The following TBC1D12 variants were observed in gnomAD, a reference collection of about 807,000 sequenced individuals.
The protein encoded by TBC1D12 is TBC1 domain family, member 12.
TBC1D12 carries 56 observed loss-of-function variants against 86.7 expected under a neutral mutation model. The ratio of observed to expected loss-of-function variants is 0.65; its 90% CI spans 0.52 to 0.81. The LOEUF (loss-of-function observed/expected upper bound fraction) is 0.81. Among genes scored for constraint, TBC1D12 ranks in the 30% least tolerant of loss-of-function variants. TBC1D12 has a pLI of 0.00. For missense variants in TBC1D12, 1,023 were observed against 1,038.8 expected, an observed-to-expected ratio of 0.98 and a Z score of 0.21; for synonymous variants, 421 against 411.7, an observed-to-expected ratio of 1.02 and a Z score of -0.27.
intron 1 of TBC1D12, among the ~76,000 whole-genome samples, chr10:94,404,022 G>C (rs1052341137): frequency 6.6e-6 from 1 of 152,174 alleles, no homozygotes; most frequent in African/African-American, 2.4e-5. Context: ...TGTGTGTACG[G>C]GTGTGGTTGT....
At chr10:94,490,621 G>A (rs901929902) in intron 3 of TBC1D12, among the ~76,000 whole-genome samples, 1 of 152,094 alleles carries the variant, frequency 6.6e-6, no homozygotes, top group Non-Finnish European at 1.5e-5. Context: ...GGTGGATGCT[G>A]GACTTTTTTG....
chr10:94,441,968 T>G lies in TBC1D12; in HGVS notation c.1044T>G (p.Gly348=). Residue 348 remains glycine (G), a synonymous_variant, in exon 2 of 13, where the codon GGT becomes GGG. Transcript: ENST00000225235. Reference sequence around the variant, plus strand: ...GTGCTCCTGGTTGGAAATTATTTGGTAAAGTCCCTCCTAGAGAGAATCTTC... The same window carrying G: ...GTGCTCCTGGTTGGAAATTATTTGGGAAAGTCCCTCCTAGAGAGAATCTTC... The part of the protein sequence containing the change: ...VHSAPGWKLF[G]KVPPRENLQK... 6.2e-7 allele frequency: 1 copy of G among 1,613,546 alleles called. No homozygotes were observed. Among genetic ancestry groups the G allele is most frequent in the Non-Finnish European group, 8.5e-7 (1 of 1,179,746 alleles).
In TBC1D12 at chr10:94,522,186, TATC is replaced by T. The variant is rs1842170649; in HGVS notation, c.1890+106_1890+108del. 8.0e-6 allele frequency: 11 copies of T among 1,367,356 alleles called. 1 individual carries two copies. In the Middle Eastern group the frequency reaches 7.8e-4, roughly 97 times the overall value. The allele number at this position is 1,367,356 out of a possible 1,614,324, so 84.7% of individuals were successfully genotyped here. On this transcript the variant is annotated intron_variant, in intron 10 of 12. Transcript: ENST00000225235. The stretch of plus-strand genomic sequence containing the variant: ...AAAACAATCTAATCTAATATAAACT[TATC>T]ATTATATTATAGTTTATTAATGAAT...
intron 5 of TBC1D12, among the ~76,000 whole-genome samples, chr10:94,499,936 C>A (rs1298322918): frequency 6.6e-6 from 1 of 152,066 alleles, no homozygotes. Context: ...TCCCTTTTAT[C>A]CTGTTTTTTA....
chr10:94,414,702 C>T (rs913418355), intron 1 of TBC1D12, among the ~76,000 whole-genome samples: 2 of 151,480 alleles, frequency 1.3e-5, no homozygotes, highest in Non-Finnish European at 2.9e-5. Context: ...CAGGTTCCAG[C>T]GATTCTCCCA....
At chr10:94,416,487 A>G (rs1241429197) in intron 1 of TBC1D12, among the ~76,000 whole-genome samples, 1 of 152,198 alleles carries the variant, frequency 6.6e-6, no homozygotes, top group African/African-American at 2.4e-5. Flanking sequence ...ATTCATTTAC[A>G]TGATTACCCT....
Position 94,441,859 on chromosome 10 carries a change from C to CA in TBC1D12, c.972-31dup, listed in dbSNP as rs906246252. On this transcript the variant is annotated intron_variant, in intron 1 of 12. Transcript: ENST00000225235. The stretch of plus-strand genomic sequence containing the variant: ...TTACTGTTAAATAGCTCTCTGGTTA[C>CA]AAAAAACACAATTCATGTAACTTTT... 24 of 1,594,474 alleles carry CA rather than the reference C, an allele frequency of 1.5e-5. No individual in the cohort carries two copies. The African/African-American group carries it at 1.6e-4, about 11-fold the overall frequency.
rs550507128 is a variant in TBC1D12 at position 94,432,272 on chromosome 10, G to A, written c.972-9624G>A. 6.0e-4 allele frequency among the ~76,000 whole-genome samples: 92 copies of A among 152,136 alleles called. 1 individual carries two copies. The highest frequency in any genetic ancestry group is 1.1e-3 in the Non-Finnish European group (73 of 67,994). Reference sequence around the variant, plus strand: ...TAGATCGCGAGACAAGGGATGGGGCGTCAAAAGATGACACATTTTTGGCCT... The same window carrying A: ...TAGATCGCGAGACAAGGGATGGGGCATCAAAAGATGACACATTTTTGGCCT... On this transcript the variant is annotated intron_variant, in intron 1 of 12. Transcript: ENST00000225235.
At chr10:94,462,780 G>A (rs1564958787) in intron 2 of TBC1D12, among the ~76,000 whole-genome samples, 1 of 151,974 alleles carries the variant, frequency 6.6e-6, no homozygotes, top group Non-Finnish European at 1.5e-5. Flanking sequence ...TCCTGATTTT[G>A]GCAATTTTTA....
At chr10:94,442,075 T>G in intron 2 of TBC1D12, 56 bp downstream of exon 2, 2 of 1,468,784 alleles carry the variant, frequency 1.4e-6, no homozygotes, top group Non-Finnish European at 1.8e-6. Context: ...TTCTTCTTCT[T>G]CTTCTTCTTT....
intron 1 of TBC1D12, among the ~76,000 whole-genome samples, chr10:94,413,499 A>G (rs953729251): frequency 2.0e-5 from 3 of 152,156 alleles, no homozygotes; most frequent in Non-Finnish European, 2.9e-5. Flanking sequence ...CACACTGCAC[A>G]TGGTTTTCTC....
rs1386807824 is a variant in TBC1D12 at position 94,467,452 on chromosome 10, G to A, written c.1096-7216G>A. ...TTCTCCATTTGGTCAGGCTGGTCTC[G>A]AACTTCCGACCTCAGGTGAGCCGCC... On this transcript the variant is annotated intron_variant, in intron 2 of 12. Coordinates refer to ENST00000225235, the MANE Select transcript of TBC1D12 (RefSeq NM_015188.2). Among the ~76,000 whole-genome samples, 6 of 151,954 alleles carry A rather than the reference G, an allele frequency of 3.9e-5. No individual in the cohort carries two copies. In the East Asian group the frequency reaches 1.2e-3, roughly 29 times the overall value.
In TBC1D12 at chr10:94,417,164, G is replaced by T. The variant is rs148289034; in HGVS notation, c.971+13580G>T. Among the ~76,000 whole-genome samples, 210 of 152,312 alleles carry T rather than the reference G, an allele frequency of 1.4e-3. 1 individual carries two copies. Among genetic ancestry groups the T allele is most frequent in the Non-Finnish European group, 2.3e-3 (157 of 68,030 alleles). ...GTGTGGCAGATGATTTGCAACTTGAGAAACTGGAGCATGGAGATAGTTATG... is the reference window on the plus strand; with the variant it reads ...GTGTGGCAGATGATTTGCAACTTGATAAACTGGAGCATGGAGATAGTTATG... On this transcript the variant is annotated intron_variant, in intron 1 of 12. Transcript: ENST00000225235.
chr10:94,419,987 A>C (rs1032100915), intron 1 of TBC1D12, among the ~76,000 whole-genome samples: 1 of 152,208 alleles, frequency 6.6e-6, no homozygotes, highest in African/African-American at 2.4e-5. Context: ...AGTTTTATAA[A>C]TCTGTTAAAT....
chr10:94,488,681 C>T (rs1049423808), intron 3 of TBC1D12, among the ~76,000 whole-genome samples: 12 of 151,602 alleles, frequency 7.9e-5, no homozygotes, highest in African/African-American at 2.4e-4. Flanking sequence ...TGTGAGCTAC[C>T]GGTCCGGCCT....
intron 9 of TBC1D12, among the ~76,000 whole-genome samples, chr10:94,520,200 A>G (rs1842106601): frequency 6.6e-6 from 1 of 152,204 alleles, no homozygotes; most frequent in African/African-American, 2.4e-5. Flanking sequence ...TGGCAAGAGA[A>G]ATCTCAAAAT....
intron 11 of TBC1D12, among the ~76,000 whole-genome samples, chr10:94,529,055 A>T (rs536915965): frequency 1.3e-5 from 2 of 152,066 alleles, no homozygotes; most frequent in East Asian, 3.9e-4. Flanking sequence ...TCTGTCACCC[A>T]GGCTGAGTGC....
chr10:94,508,301 T>A (rs1337963599), intron 7 of TBC1D12: 7 of 151,908 alleles, frequency 4.6e-5, no homozygotes, highest in African/African-American at 1.4e-4. Context: ...TTGAAAAAAA[T>A]TTTAATTCAT....
chr10:94,454,938 G>A (rs1026366816), intron 2 of TBC1D12, among the ~76,000 whole-genome samples: 3 of 152,140 alleles, frequency 2.0e-5, no homozygotes, highest in Admixed American at 2.0e-4. Context: ...GGTGAGCGGG[G>A]ATATCCTCGC....
Sources: gnomAD v4.1 joint callset for allele counts (sites outside exome capture counted in the v4.1 genomes callset) on GRCh38, gnomAD v4.1.1 for gene constraint, MANE v1.5 for transcripts, NCBI Gene and HGNC (gene_info 2026-07-23, HGNC 2026-07-21) for gene names.